ZIC4: variants seen among roughly 807,000 people sequenced by gnomAD.
The protein encoded by ZIC4 is zinc finger protein ZIC 4.
In ZIC4, 15 loss-of-function variants were observed where a neutral mutation model predicts 28.8. That is an observed-to-expected ratio of 0.52 (90% CI 0.35 to 0.80). The LOEUF is 0.80. ZIC4 is among the 30% of genes least tolerant of loss of function. The pLI is 0.01. For missense variants in ZIC4, 512 were observed against 467.1 expected, an observed-to-expected ratio of 1.10 and a Z score of -0.89; for synonymous variants, 220 against 198.1, an observed-to-expected ratio of 1.11 and a Z score of -0.93.
At chr3:147,395,818 G>T (rs1313869509) in intron 3 of ZIC4, 34 bp downstream of exon 3, 1 of 1,582,056 alleles carries the variant, frequency 6.3e-7, no homozygotes, top group Non-Finnish European at 8.6e-7. Flanking sequence ...TTCCCCAGAG[G>T]GTCCGCACGC....
At chr3:147,389,745 A>G in intron 4 of ZIC4, among the ~76,000 whole-genome samples, 1 of 152,040 alleles carries the variant, frequency 6.6e-6, no homozygotes, top group East Asian at 1.9e-4. Context: ...CCTTTACAAT[A>G]TTTATTATTG....
chr3:147,392,946 T>A (rs2086956872), intron 3 of ZIC4: 1 of 152,132 alleles, frequency 6.6e-6, no homozygotes, highest in African/African-American at 2.4e-5. Flanking sequence ...GTGTTCCTAT[T>A]TGCCCCCATT....
At chr3:147,391,960 C>T in intron 3 of ZIC4, 1 of 985,438 alleles carries the variant, frequency 1.0e-6, no homozygotes, top group Non-Finnish European at 1.2e-6. Context: ...CAGCATTCTT[C>T]AAATCTTGCC....
chr3:147,401,790 G>T (rs1444671177), intron 2 of ZIC4, among the ~76,000 whole-genome samples: 1 of 152,204 alleles, frequency 6.6e-6, no homozygotes, highest in East Asian at 1.9e-4. Context: ...ACTGAGTATG[G>T]AAGAAAATAT....
At chr3:147,403,842 ATC>A (rs142316820) in intron 1 of ZIC4, 22,084 of 838,576 alleles carry the variant, frequency 0.026, no homozygotes, top group South Asian at 0.041. Flanking sequence ...ATGCACAAAG[ATC>A]TCTCTCTCTC....
At position 147,396,519 on chromosome 3, in the gene ZIC4, C is replaced by G; in HGVS notation, c.71-50G>C. The G allele has an allele frequency of 1.3e-6, 2 of 1,487,514 alleles. No individual in the cohort carries two copies. Among genetic ancestry groups the G allele is most frequent in the Non-Finnish European group, 1.8e-6 (2 of 1,127,608 alleles). 92.1% of individuals were successfully genotyped at this position (1,487,514 alleles called of 1,614,324 possible). A position where few individuals can be genotyped will look rare whatever the true frequency, so the allele number is the denominator to read the frequency against. On this transcript the variant is annotated intron_variant, in intron 2 of 4. Coordinates refer to ENST00000383075, the MANE Select transcript of ZIC4 (RefSeq NM_032153.6). The surrounding 1 kb of genome is among the most constrained non-coding windows in gnomAD (Gnocchi z 4.2). ...ATGAGAACGGGTGGCGTGGGCTGCGCGCTCTTCCCTGGGCCCCGGGGGGCA... is the reference window on the plus strand; with the variant it reads ...ATGAGAACGGGTGGCGTGGGCTGCGGGCTCTTCCCTGGGCCCCGGGGGGCA...
At chr3:147,389,514 T>A (rs2086864878) in intron 4 of ZIC4, 1 of 152,162 alleles carries the variant, frequency 6.6e-6, no homozygotes, top group Non-Finnish European at 1.5e-5. Context: ...GCTTTATTAT[T>A]TTATTTTCCT....
In ZIC4 at chr3:147,391,040, C is replaced by CG. The variant is rs762209325; in HGVS notation, c.894dup (p.Asp299ArgfsTer46). The CG allele has an allele frequency of 3.2e-5, 51 of 1,613,922 alleles. No homozygotes were observed. The highest frequency in any genetic ancestry group is 3.3e-4 in the Middle Eastern group (2 of 6,060). On this transcript the variant is annotated frameshift_variant, in exon 4 of 5. Transcript: ENST00000383075. LOFTEE classifies it high-confidence loss of function. ...ACGAGGGCAGACGGTGTAGCCGAAT[C>CG]GTAGCCAGAGCTGGGCGGCGGCGAG...
chr3:147,397,450 TC>T (rs2087074798), intron 2 of ZIC4, among the ~76,000 whole-genome samples: 1 of 149,078 alleles, frequency 6.7e-6, no homozygotes, highest in Admixed American at 6.7e-5. Flanking sequence ...CTTCCACTGC[TC>T]ATGCGCTCTG....
intron 3 of ZIC4, chr3:147,392,284 G>A (rs1031378662): frequency 1.0e-6 from 1 of 985,806 alleles, no homozygotes; most frequent in Non-Finnish European, 1.2e-6. Context: ...TCCGCAGCCC[G>A]GAGGGCCACC....
At chr3:147,402,466 A>G (rs2087186051) in intron 2 of ZIC4, among the ~76,000 whole-genome samples, 1 of 152,190 alleles carries the variant, frequency 6.6e-6, no homozygotes, top group Non-Finnish European at 1.5e-5. Context: ...AGAATCGTCA[A>G]ATATTAATTC....
intron 3 of ZIC4, among the ~76,000 whole-genome samples, chr3:147,393,255 A>T (rs1204505219): frequency 6.6e-6 from 1 of 152,008 alleles, no homozygotes; most frequent in Non-Finnish European, 1.5e-5. Context: ...AGAAAACAGC[A>T]GTGCACTGAG....
chr3:147,390,740 C>G (rs1254933447), intron 4 of ZIC4, among the ~76,000 whole-genome samples, 191 bp downstream of exon 4: 1 of 152,210 alleles, frequency 6.6e-6, no homozygotes, highest in East Asian at 1.9e-4. Context: ...GGCCTTCCTT[C>G]CTTCCGCCCT....
At chr3:147,391,944 A>G (rs1209089033) in intron 3 of ZIC4, 2 of 984,780 alleles carry the variant, frequency 2.0e-6, no homozygotes, top group Non-Finnish European at 2.4e-6. Flanking sequence ...GAGGGCAAAC[A>G]TTTAGCAGCA....
Position 147,391,057 on chromosome 3 carries a change from G to A in ZIC4, c.878C>T (p.Pro293Leu). The A allele has an allele frequency of 3.1e-6, 5 of 1,613,834 alleles. No individual in the cohort carries two copies. The South Asian group carries it at 4.4e-5, about 14-fold the overall frequency. ...AGCCGAATCGTAGCCAGAGCTGGGCGGCGGCGAGCGCCCGTGCACCTTCAT... is the reference window on the plus strand; with the variant it reads ...AGCCGAATCGTAGCCAGAGCTGGGCAGCGGCGAGCGCCCGTGCACCTTCAT... Reference protein sequence around the residue: ...KHMKVHGRSPPPSSGYDSATP... With the variant: ...KHMKVHGRSPLPSSGYDSATP... The change falls in exon 4 of 5, where the codon CCG (proline) becomes CTG (leucine). Residue 293 changes from proline (P) to leucine (L), a missense_variant. Transcript: ENST00000383075.
At chr3:147,399,274 T>C (rs1576462162) in intron 2 of ZIC4, among the ~76,000 whole-genome samples, 2 of 152,180 alleles carry the variant, frequency 1.3e-5, no homozygotes, top group Non-Finnish European at 2.9e-5. Flanking sequence ...TCCCCTGCTC[T>C]GATCCTTCAT....
At chr3:147,397,452 A>T (rs1279557144) in intron 2 of ZIC4, among the ~76,000 whole-genome samples, 4 of 148,914 alleles carry the variant, frequency 2.7e-5, no homozygotes, top group South Asian at 2.2e-4. Context: ...TCCACTGCTC[A>T]TGCGCTCTGA....
intron 1 of ZIC4, chr3:147,404,358 G>C (rs1057175463): frequency 3.4e-6 from 4 of 1,192,678 alleles, no homozygotes; most frequent in Non-Finnish European, 3.1e-6. Context: ...GATTGGACTA[G>C]GGCAGGCAAC....
chr3:147,392,114 C>A, intron 3 of ZIC4: 1 of 985,692 alleles, frequency 1.0e-6, no homozygotes, highest in Non-Finnish European at 1.2e-6. Flanking sequence ...CTGCCCAGAC[C>A]ACCCCCACCT....
Sources: allele counts gnomAD v4.1 joint callset (sites outside exome capture counted in the v4.1 genomes callset), GRCh38; gene constraint gnomAD v4.1.1; non-coding constraint Gnocchi (gnomAD v3.1); transcripts MANE v1.5; gene names NCBI Gene and HGNC (gene_info 2026-07-23, HGNC 2026-07-21).